CSMD1: variants seen among roughly 807,000 people sequenced by gnomAD.
CSMD1 encodes the protein CUB and Sushi multiple domains 1.
In CSMD1, 213 loss-of-function variants were observed where a neutral mutation model predicts 417.5. That is an observed-to-expected ratio of 0.51 (90% confidence interval 0.46 to 0.57). The LOEUF (loss-of-function observed/expected upper bound fraction) is 0.57. CSMD1 is among the 20% of genes least tolerant of loss of function. CSMD1 has a pLI of 0.00. For missense variants in CSMD1, 6,923 were observed against 4,529.7 expected, an observed-to-expected ratio of 1.53 and a Z score of -15.17; for synonymous variants, 2,862 against 1,736.8, an observed-to-expected ratio of 1.65 and a Z score of -16.11.
intron 1 of CSMD1, among the ~76,000 whole-genome samples, chr8:4,754,763 C>G (rs1302156019): frequency 6.6e-6 from 1 of 151,736 alleles, no homozygotes; most frequent in Non-Finnish European, 1.5e-5. Context: ...GCAGGAGATT[C>G]GTTTGAACCC....
At chr8:4,387,757 T>C (rs1315235162) in intron 3 of CSMD1, among the ~76,000 whole-genome samples, 1 of 152,028 alleles carries the variant, frequency 6.6e-6, no homozygotes, top group Non-Finnish European at 1.5e-5. Context: ...TATTCAAAAA[T>C]CCTATCTGAA....
chr8:2,993,374 C>G (rs1024159781), intron 54 of CSMD1, among the ~76,000 whole-genome samples: 1 of 152,122 alleles, frequency 6.6e-6, no homozygotes, highest in Non-Finnish European at 1.5e-5. Context: ...TTGCCAATAT[C>G]CTGTAAACTG....
intron 26 of CSMD1, among the ~76,000 whole-genome samples, chr8:3,242,484 C>A (rs192069190): frequency 1.3e-4 from 20 of 152,158 alleles, no homozygotes; most frequent in Admixed American, 9.2e-4. Context: ...ACCATTTGCC[C>A]ATTCTATGCC....
intron 8 of CSMD1, among the ~76,000 whole-genome samples, chr8:3,600,178 C>T (rs922768895): frequency 1.3e-5 from 2 of 152,202 alleles, no homozygotes; most frequent in Non-Finnish European, 2.9e-5. Flanking sequence ...AACTGACAAA[C>T]CATTGCTTCC....
intron 3 of CSMD1, among the ~76,000 whole-genome samples, chr8:4,197,915 T>G (rs1799432794): frequency 6.6e-6 from 1 of 152,196 alleles, no homozygotes. Context: ...CCATTTCATC[T>G]ATTCATTCAT....
intron 2 of CSMD1, among the ~76,000 whole-genome samples, chr8:4,549,334 A>T (rs1364953883): frequency 2.0e-5 from 3 of 152,214 alleles, no homozygotes. Flanking sequence ...AAATTATTCC[A>T]GAAACAAGAA....
intron 39 of CSMD1, among the ~76,000 whole-genome samples, chr8:3,155,646 C>T (rs775576000): frequency 4.0e-5 from 6 of 151,310 alleles, no homozygotes; most frequent in East Asian, 2.0e-4. Context: ...GGATTACAGG[C>T]GTGAGCCACC....
In CSMD1 at chr8:3,546,059, G is replaced by T. The variant is rs181521086; in HGVS notation, c.1344+28886C>A. Among the ~76,000 whole-genome samples, 7 of 152,308 alleles carry T rather than the reference G, an allele frequency of 4.6e-5. No homozygotes were observed. The East Asian group carries it at 1.4e-3, about 29-fold the overall frequency. ...CAAAATGCAGTTTCTCCATCAAGTT[G>T]ACATTTAACAGCCCTTGCTAACAAA... On this transcript the variant is annotated intron_variant, in intron 10 of 69. Coordinates refer to ENST00000635120, the MANE Select transcript of CSMD1 (RefSeq NM_033225.6).
chr8:4,313,034 T>C (rs951351471), intron 3 of CSMD1, among the ~76,000 whole-genome samples: 2 of 152,126 alleles, frequency 1.3e-5, no homozygotes, highest in Admixed American at 6.6e-5. Context: ...TTCACATAAA[T>C]TTCTATAGAA....
intron 3 of CSMD1, among the ~76,000 whole-genome samples, chr8:4,273,758 A>G (rs1804749051): frequency 1.3e-5 from 2 of 152,188 alleles, no homozygotes; most frequent in Admixed American, 6.6e-5. Context: ...CAGCTCAGCA[A>G]GATGATTTAG....
chr8:4,341,092 A>G (rs928469005), intron 3 of CSMD1, among the ~76,000 whole-genome samples: 3 of 152,116 alleles, frequency 2.0e-5, no homozygotes, highest in Non-Finnish European at 4.4e-5. Flanking sequence ...TAGTGAGAGA[A>G]TAGAGATATC....
intron 68 of CSMD1, among the ~76,000 whole-genome samples, chr8:2,943,174 A>G (rs1416942767): frequency 6.6e-6 from 1 of 152,196 alleles, no homozygotes; most frequent in African/African-American, 2.4e-5. Context: ...GCAAGTTTCC[A>G]TGAAGACACA....
intron 52 of CSMD1, among the ~76,000 whole-genome samples, chr8:3,002,648 C>T (rs549661675): frequency 1.1e-3 from 167 of 152,298 alleles, no homozygotes; most frequent in Non-Finnish European, 1.9e-3. Context: ...AAACAGGACT[C>T]CTTTTAAACC....
In CSMD1 at chr8:4,627,407, T is replaced by G. The variant is rs189855972; in HGVS notation, c.302+9935A>C. Among the ~76,000 whole-genome samples the G allele has an allele frequency of 6.6e-5, 10 of 152,310 alleles. No homozygotes were observed. The East Asian group carries it at 1.9e-3, about 29-fold the overall frequency. On this transcript the variant is annotated intron_variant, in intron 2 of 69. Coordinates refer to ENST00000635120, the MANE Select transcript of CSMD1 (RefSeq NM_033225.6). ...TAATATGGATGGTTTCCCACTAAAC[T>G]ATTTCAACAAACTACTTCTGTGGAT... is the stretch of plus-strand genomic sequence containing the variant.
intron 5 of CSMD1, among the ~76,000 whole-genome samples, chr8:3,963,577 T>G (rs1029972369): frequency 2.0e-5 from 3 of 152,070 alleles, no homozygotes; most frequent in Admixed American, 1.3e-4. Context: ...TATTAAAATC[T>G]ACTAAGTAAA....
At chr8:4,850,295 T>G (rs1406866234) in intron 1 of CSMD1, among the ~76,000 whole-genome samples, 2 of 152,110 alleles carry the variant, frequency 1.3e-5, no homozygotes, top group Non-Finnish European at 2.9e-5. Context: ...CCCCAAACAT[T>G]TTCTCCCATT....
intron 39 of CSMD1, among the ~76,000 whole-genome samples, chr8:3,151,743 TCTC>T (rs1819208184): frequency 2.0e-5 from 3 of 152,274 alleles, no homozygotes. Context: ...AGATCCATCT[TCTC>T]CTCTCACACT....
At chr8:3,314,534 A>G (rs1297172962) in intron 23 of CSMD1, among the ~76,000 whole-genome samples, 1 of 152,186 alleles carries the variant, frequency 6.6e-6, no homozygotes, top group East Asian at 1.9e-4. Context: ...GTGTCAAAGC[A>G]CTATTAAGTA....
At chr8:4,924,013 T>C (rs1190773230) in intron 1 of CSMD1, among the ~76,000 whole-genome samples, 1 of 152,238 alleles carries the variant, frequency 6.6e-6, no homozygotes, top group Non-Finnish European at 1.5e-5. Flanking sequence ...GAATTCATTT[T>C]TGTCCTCTGT....
Sources: allele counts gnomAD v4.1 joint callset (sites outside exome capture counted in the v4.1 genomes callset), GRCh38; gene constraint gnomAD v4.1.1; transcripts MANE v1.5; gene names NCBI Gene and HGNC (gene_info 2026-07-23, HGNC 2026-07-21).